Variants in MBNL2 observed in about 807,000 individuals in gnomAD.
MBNL2 encodes muscleblind like splicing regulator 2.
Under a neutral mutation model 41.9 loss-of-function variants are expected in MBNL2, and 17 were observed. The ratio of observed to expected loss-of-function variants is 0.41; its 90% CI spans 0.28 to 0.61. The LOEUF (loss-of-function observed/expected upper bound fraction) is 0.61, where lower values mean the gene tolerates loss of function less well. Ranked by LOEUF, MBNL2 falls within the 20% of genes least tolerant of loss-of-function variation. The pLI is 0.35. For missense variants in MBNL2, 336 were observed against 505.6 expected (o/e 0.66, Z 3.22); for synonymous variants, 195 against 182.9 (o/e 1.07, Z -0.53).
chr13:97,365,389 A>G (rs1371492837), intron 8 of MBNL2, among the ~76,000 whole-genome samples: 19 of 152,208 alleles, frequency 1.2e-4, no homozygotes. Context: ...TCACTACAAA[A>G]ACATAAAGCC....
chr13:97,231,641 C>G (rs2152782822), intron 1 of MBNL2, among the ~76,000 whole-genome samples: 1 of 152,268 alleles, frequency 6.6e-6, no homozygotes, highest in Non-Finnish European at 1.5e-5. Flanking sequence ...ACTTCAGCAG[C>G]TGCAAGCAGT....
chr13:97,391,548 C>T lies in MBNL2; in HGVS notation c.*99C>T. On this transcript the variant is annotated 3_prime_UTR_variant, in exon 9 of 9. Coordinates refer to ENST00000679496, the MANE Select transcript of MBNL2 (RefSeq NM_001382683.1). ...ATATGGTATGCTTAGTATATTCCAA[C>T]CTAAGATAGTTAACTACCTGAGACC... 1 of 700,244 alleles carries T rather than the reference C, an allele frequency of 1.4e-6. No homozygotes were observed. Among genetic ancestry groups the T allele is most frequent in the Non-Finnish European group, 2.5e-6 (1 of 394,344 alleles). The allele number at this position is 700,244 out of a possible 1,614,324, so 43.4% of individuals were successfully genotyped here. A position where few individuals can be genotyped will look rare whatever the true frequency, so the allele number is the denominator to read the frequency against.
intron 1 of MBNL2, among the ~76,000 whole-genome samples, chr13:97,261,042 C>T (rs192252655): frequency 7.9e-5 from 12 of 152,152 alleles, no homozygotes; most frequent in East Asian, 1.9e-4. Context: ...GTTGGCTCCC[C>T]ACACTGCTTC....
chr13:97,314,666 C>T (rs551073282), intron 2 of MBNL2, among the ~76,000 whole-genome samples: 42 of 152,316 alleles, frequency 2.8e-4, no homozygotes, highest in Admixed American at 5.9e-4. Flanking sequence ...TTGGGAGACT[C>T]TTGCCATGCT....
At chr13:97,256,872 AT>A in intron 1 of MBNL2, among the ~76,000 whole-genome samples, 1 of 152,248 alleles carries the variant, frequency 6.6e-6, no homozygotes, top group South Asian at 2.1e-4. Flanking sequence ...TAAGTAAGTC[AT>A]TTTGATTACC....
At chr13:97,205,128 A>C in the MBNL2 span, among the ~76,000 whole-genome samples, 1 of 149,604 alleles carries the variant, frequency 6.7e-6, no homozygotes, top group Non-Finnish European at 1.5e-5. Context: ...CTGAGATTGC[A>C]CCACTGCACT....
the MBNL2 span, among the ~76,000 whole-genome samples, chr13:97,152,362 CAGAG>C: frequency 2.0e-4 from 31 of 151,820 alleles, no homozygotes; most frequent in African/African-American, 6.5e-4. Context: ...AAAGAGAAAA[CAGAG>C]AGGAAAAAAA....
At chr13:97,324,941 T>C (rs1037616146) in intron 2 of MBNL2, among the ~76,000 whole-genome samples, 38 of 152,152 alleles carry the variant, frequency 2.5e-4, no homozygotes, top group African/African-American at 9.2e-4. Flanking sequence ...GCCGATTAGA[T>C]GGTGCCCACC....
chr13:97,330,249 C>T (rs1387708244), intron 2 of MBNL2, among the ~76,000 whole-genome samples: 1 of 152,184 alleles, frequency 6.6e-6, no homozygotes, highest in Non-Finnish European at 1.5e-5. Flanking sequence ...GAGCAAAGGC[C>T]CTGAGGGCTT....
chr13:97,246,515 T>C (rs1311513386), intron 1 of MBNL2, among the ~76,000 whole-genome samples: 1 of 152,182 alleles, frequency 6.6e-6, no homozygotes, highest in African/African-American at 2.4e-5. Flanking sequence ...CTGAATATCG[T>C]CCTGACATTT....
At chr13:97,205,925 G>A in the MBNL2 span, among the ~76,000 whole-genome samples, 68 of 152,276 alleles carry the variant, frequency 4.5e-4, no homozygotes, top group Middle Eastern at 3.4e-3. Flanking sequence ...ATTGGGAAAT[G>A]TTTTACATGT....
At chr13:97,226,203 A>T (rs568868382) in intron 1 of MBNL2, among the ~76,000 whole-genome samples, 1 of 152,198 alleles carries the variant, frequency 6.6e-6, no homozygotes, top group African/African-American at 2.4e-5. Flanking sequence ...GAGAGTAAAA[A>T]CAGGTGTGAA....
the MBNL2 span, among the ~76,000 whole-genome samples, chr13:97,192,612 G>C: frequency 6.6e-6 from 1 of 152,218 alleles, no homozygotes; most frequent in South Asian, 2.1e-4. Flanking sequence ...CCTGTCCATG[G>C]TTTGGCAATC....
the MBNL2 span, among the ~76,000 whole-genome samples, chr13:97,210,442 C>G: frequency 6.6e-6 from 1 of 151,934 alleles, no homozygotes; most frequent in African/African-American, 2.4e-5. Context: ...AACGGAGAGC[C>G]TGATTTTACC....
the MBNL2 span, among the ~76,000 whole-genome samples, chr13:97,193,779 C>T: frequency 6.6e-6 from 1 of 152,082 alleles, no homozygotes; most frequent in Non-Finnish European, 1.5e-5. Context: ...AGCGGGTAGC[C>T]AGAGTCAGGC....
At chr13:97,176,803 A>G in the MBNL2 span, among the ~76,000 whole-genome samples, 1 of 152,104 alleles carries the variant, frequency 6.6e-6, no homozygotes, top group African/African-American at 2.4e-5. Flanking sequence ...TTTTTCAATT[A>G]TACTTTGTAG....
intron 2 of MBNL2, among the ~76,000 whole-genome samples, chr13:97,279,944 G>A (rs1283820380): frequency 1.3e-5 from 2 of 152,136 alleles, no homozygotes; most frequent in African/African-American, 4.8e-5. Context: ...TGCATTTTAT[G>A]TAAAACACTG....
At chr13:97,148,497 G>A in the MBNL2 span, among the ~76,000 whole-genome samples, 1 of 152,200 alleles carries the variant, frequency 6.6e-6, no homozygotes, top group Non-Finnish European at 1.5e-5. Flanking sequence ...TTCATCAGTT[G>A]TAACAAATGT....
At chr13:97,155,390 T>G in the MBNL2 span, among the ~76,000 whole-genome samples, 1 of 151,320 alleles carries the variant, frequency 6.6e-6, no homozygotes. Context: ...TCTTTTTTTT[T>G]TTTATTTTTT....
Sources: allele counts gnomAD v4.1 joint callset (sites outside exome capture counted in the v4.1 genomes callset), GRCh38; gene constraint gnomAD v4.1.1; transcripts MANE v1.5; gene names NCBI Gene and HGNC (gene_info 2026-07-23, HGNC 2026-07-21).